PC: variants seen among roughly 807,000 people sequenced by gnomAD.
PC encodes pyruvate carboxylase.
A neutral mutation model predicts 107.8 loss-of-function variants in PC; 46 were observed. The observed-to-expected ratio is 0.43, with a 90% confidence interval of 0.34 to 0.55. The LOEUF is 0.55. PC is among the 20% of genes least tolerant of loss of function. PC has a pLI of 0.04. For synonymous variants in PC, 662 were observed against 684.7 expected (o/e 0.97, Z 0.52); for missense variants, 1,241 against 1,643.1 (o/e 0.76, Z 4.23).
chr11:66,891,117 C>T (rs1196200629), intron 3 of PC, among the ~76,000 whole-genome samples: 1 of 151,952 alleles, frequency 6.6e-6, no homozygotes, highest in Non-Finnish European at 1.5e-5. Flanking sequence ...AGTGCAGTGG[C>T]GCGATCTCGG....
At chr11:66,860,756 C>T (rs565175033) in intron 12 of PC, 16 of 698,666 alleles carry the variant, frequency 2.3e-5, no homozygotes, top group East Asian at 5.4e-5. Context: ...GACAGGACGC[C>T]GTATCCAGTG....
intron 12 of PC, 55 bp downstream of exon 12, chr11:66,863,719 C>G (rs779817709): frequency 4.5e-6 from 7 of 1,556,918 alleles, no homozygotes; most frequent in Non-Finnish European, 6.1e-6. Flanking sequence ...AGTGAACGGT[C>G]AGGGGGCCCT....
At chr11:66,941,048 C>G (rs1949116404) in intron 3 of PC, among the ~76,000 whole-genome samples, 1 of 148,026 alleles carries the variant, frequency 6.8e-6, no homozygotes, top group Non-Finnish European at 1.5e-5. Context: ...TGCACTCCAG[C>G]CTGGGCAACA....
chr11:66,852,298 G>T lies in PC; in HGVS notation c.1825+141C>A. 1 of 785,670 alleles carries T rather than the reference G, an allele frequency of 1.3e-6. No individual in the cohort carries two copies. The highest frequency in any genetic ancestry group is 2.1e-6 in the Non-Finnish European group (1 of 467,304). The allele number at this position is 785,670 out of a possible 1,614,324, so 48.7% of individuals were successfully genotyped here. On this transcript the variant is annotated intron_variant, in intron 15 of 22. Transcript: ENST00000393960. This position sits in a 1 kb window ranked among gnomAD's most constrained non-coding sequence, Gnocchi z 4.7. ...CCGGCACCAGGCCTGGCCGGAGAGG[G>T]CGCTGTGCCTTCTTCGGTCCTTCCT...
intron 3 of PC, among the ~76,000 whole-genome samples, chr11:66,937,666 C>A (rs964367689): frequency 6.6e-6 from 1 of 152,020 alleles, no homozygotes; most frequent in Admixed American, 6.6e-5. Context: ...CTCAAGGTAC[C>A]ATCTTCAAGC....
At chr11:66,957,548 C>A (rs1002719415) in intron 1 of PC, among the ~76,000 whole-genome samples, 2 of 152,026 alleles carry the variant, frequency 1.3e-5, no homozygotes, top group Non-Finnish European at 2.9e-5. Context: ...CCCGGGAGGT[C>A]GAGACTGCAG....
chr11:66,858,963 C>T lies in PC; in HGVS notation c.1368+4811G>A, dbSNP rs532858753. 6.3e-7 allele frequency: 1 copy of T among 1,575,460 alleles called. No individual in the cohort carries two copies. Among genetic ancestry groups the T allele is most frequent in the African/African-American group, 1.4e-5 (1 of 74,002 alleles). ...GGGTGAGGGGACGCTGGAGTCTGAG[C>T]CAGCCGTGCAGGTGACGGAGGTGAC... On this transcript the variant is annotated intron_variant, in intron 12 of 22. Coordinates refer to ENST00000393960, the MANE Select transcript of PC (RefSeq NM_001040716.2). The surrounding 1 kb of genome is among the most constrained non-coding windows in gnomAD (Gnocchi z 5.9).
At position 66,848,744 on chromosome 11, in the gene PC, A is replaced by G; in HGVS notation, c.*155T>C. On this transcript the variant is annotated 3_prime_UTR_variant, in exon 23 of 23. Transcript: ENST00000393960. ...GAAAGGACGATGGCTGAAAGGAATG[A>G]ACCACCGCAGGCGGTGTCTCTCCTG... 3.5e-6 allele frequency: 3 copies of G among 852,476 alleles called. No homozygotes were observed. Among genetic ancestry groups the G allele is most frequent in the Non-Finnish European group, 1.9e-6 (1 of 529,328 alleles). The allele number at this position is 852,476 out of a possible 1,614,324, so 52.8% of individuals were successfully genotyped here. A position where few individuals can be genotyped will look rare whatever the true frequency, so the allele number is the denominator to read the frequency against.
chr11:66,952,287 C>A (rs192797101), intron 3 of PC, 143 bp downstream of exon 3: 1 of 152,338 alleles, frequency 6.6e-6, no homozygotes, highest in African/African-American at 2.4e-5. Flanking sequence ...ACTGCTTAAA[C>A]GGATATTATC....
At chr11:66,897,188 C>T (rs1334767436) in intron 3 of PC, among the ~76,000 whole-genome samples, 13 of 152,256 alleles carry the variant, frequency 8.5e-5, no homozygotes, top group South Asian at 2.1e-4. Flanking sequence ...CCTGCCTAGG[C>T]GTCCCAAAGT....
Position 66,889,029 on chromosome 11 carries a change from G to A in PC, c.1-16870C>T, listed in dbSNP as rs182541431. ...GCGGAGGTTGCTGTGAGCCGAGATC[G>A]CGACACCGCACCCCAGCCTGGGTGA... is the stretch of plus-strand genomic sequence containing the variant. On this transcript the variant is annotated intron_variant, in intron 3 of 22. Coordinates refer to ENST00000393960, the MANE Select transcript of PC (RefSeq NM_001040716.2). Among the ~76,000 whole-genome samples, 113 of 152,276 alleles carry A rather than the reference G, an allele frequency of 7.4e-4. 2 individuals are homozygous for A. In the East Asian group the frequency reaches 0.016, roughly 22 times the overall value.
chr11:66,850,089 C>G lies in PC; in HGVS notation c.2746G>C (p.Asp916His), dbSNP rs771131613. Residue 916 changes from aspartate to histidine, a missense_variant, in exon 20 of 23, where the codon GAC (aspartate) becomes CAC (histidine). Transcript: ENST00000393960. ...KVTPSSKIVG[D>H]LAQFMVQNGL... is the part of the protein sequence containing the mutation. The stretch of plus-strand genomic sequence containing the variant: ...TTCTGCACCATAAACTGGGCCAGGT[C>G]CCCCACGATCTTGGAGGAGGGCGTC... 1.2e-6 allele frequency: 2 copies of G among 1,613,708 alleles called. No individual in the cohort carries two copies. Among genetic ancestry groups the G allele is most frequent in the South Asian group, 1.1e-5 (1 of 91,080 alleles).
intron 3 of PC, among the ~76,000 whole-genome samples, chr11:66,895,109 C>G (rs1356607436): frequency 1.3e-5 from 2 of 151,668 alleles, no homozygotes; most frequent in African/African-American, 2.4e-5. Context: ...CCTGGAAGAA[C>G]AGAGGTTTAC....
chr11:66,851,086 A>G lies in PC; in HGVS notation c.2177T>C (p.Leu726Ser), dbSNP rs766811748. ...TKYSLQYYMGLAEELVRAGTH... is the reference protein window; with the variant it reads ...TKYSLQYYMGSAEELVRAGTH... Reference sequence around the variant, plus strand: ...GCCAGCTCGCACCAGCTCTTCGGCCAAGCCCATGTAGTACTGCAGTGAGTA... The same window carrying G: ...GCCAGCTCGCACCAGCTCTTCGGCCGAGCCCATGTAGTACTGCAGTGAGTA... The change falls in exon 17 of 23, where the codon TTG becomes TCG. Residue 726 changes from leucine (L) to serine (S), a missense_variant. Physicochemically the swap from Leu to Ser is moderately radical, Grantham distance 145 (BLOSUM62 -2). Coordinates refer to ENST00000393960, the MANE Select transcript of PC (RefSeq NM_001040716.2). The G allele has an allele frequency of 1.2e-6, 2 of 1,613,202 alleles. No homozygotes were observed.
intron 3 of PC, among the ~76,000 whole-genome samples, chr11:66,935,701 G>A (rs1258101186): frequency 6.6e-6 from 1 of 152,150 alleles, no homozygotes; most frequent in Non-Finnish European, 1.5e-5. Context: ...TCCTAGTGAA[G>A]CTGAGAGAGA....
intron 3 of PC, among the ~76,000 whole-genome samples, chr11:66,951,025 A>G (rs1242099131): frequency 6.6e-6 from 1 of 152,090 alleles, no homozygotes; most frequent in Non-Finnish European, 1.5e-5. Context: ...CCCTTACTCA[A>G]TGGTAGCACG....
chr11:66,941,078 TAAAAAAAAAAA>T (rs56790474), intron 3 of PC, among the ~76,000 whole-genome samples: 1 of 83,874 alleles, frequency 1.2e-5, no homozygotes, highest in Non-Finnish European at 2.3e-5. Flanking sequence ...AGACTCCATC[TAAAAAAAAAAA>T]AAAAAAAAAA....
chr11:66,860,005 C>T (rs762711021), intron 12 of PC: 590 of 1,592,822 alleles, frequency 3.7e-4, no homozygotes, highest in Non-Finnish European at 4.4e-4. Flanking sequence ...GCCCACCCGC[C>T]GCGGAGCCCC....
In PC at chr11:66,852,346, G is replaced by T. The variant is rs943843091; in HGVS notation, c.1825+93C>A. ...CCTCTTTGGTGTTCTTCGTGTCAGCGTCTCTAGCTTGTCCCCAGTGGCCTA... is the reference window on the plus strand; with the variant it reads ...CCTCTTTGGTGTTCTTCGTGTCAGCTTCTCTAGCTTGTCCCCAGTGGCCTA... On this transcript the variant is annotated intron_variant, in intron 15 of 22. Coordinates refer to ENST00000393960, the MANE Select transcript of PC (RefSeq NM_001040716.2). This position sits in a 1 kb window ranked among gnomAD's most constrained non-coding sequence, Gnocchi z 4.7. 3 of 1,041,330 alleles carry T rather than the reference G, an allele frequency of 2.9e-6. No homozygotes were observed. Among genetic ancestry groups the T allele is most frequent in the Admixed American group, 1.7e-5 (1 of 57,944 alleles). The allele number at this position is 1,041,330 out of a possible 1,614,324, so 64.5% of individuals were successfully genotyped here.
Sources: allele counts gnomAD v4.1 joint callset (sites outside exome capture counted in the v4.1 genomes callset), GRCh38; gene constraint gnomAD v4.1.1; non-coding constraint Gnocchi (gnomAD v3.1); transcripts MANE v1.5; gene names NCBI Gene and HGNC (gene_info 2026-07-23, HGNC 2026-07-21).